Variants in GPM6A observed in about 807,000 individuals in gnomAD.
GPM6A encodes the protein glycoprotein M6A.
GPM6A carries 7 observed loss-of-function variants against 32.1 expected under a neutral mutation model. The observed-to-expected ratio is 0.22, with a 90% CI of 0.12 to 0.41. The LOEUF is 0.41. Ranked by LOEUF, GPM6A falls within the 10% of genes least tolerant of loss-of-function variation. The pLI is 1.00. For synonymous variants in GPM6A, 130 were observed against 123.4 expected, an observed-to-expected ratio of 1.05 and a Z score of -0.35; for missense variants, 235 against 347.2, an observed-to-expected ratio of 0.68 and a Z score of 2.57.
At chr4:175,972,771 C>T (rs1373094195) in intron 1 of GPM6A, among the ~76,000 whole-genome samples, 2 of 152,160 alleles carry the variant, frequency 1.3e-5, no homozygotes, top group African/African-American at 4.8e-5. Flanking sequence ...CATTGTTATG[C>T]AAAGTTTCCT....
At chr4:175,919,655 C>T (rs948165437) in intron 1 of GPM6A, among the ~76,000 whole-genome samples, 8 of 152,160 alleles carry the variant, frequency 5.3e-5, no homozygotes, top group Non-Finnish European at 1.2e-4. Context: ...TCCTTTCAAA[C>T]ATCCATTCTC....
chr4:175,999,293 G>A (rs1741404234), intron 1 of GPM6A, among the ~76,000 whole-genome samples: 1 of 152,144 alleles, frequency 6.6e-6, no homozygotes, highest in South Asian at 2.1e-4. Context: ...CACAATTAGA[G>A]ATTCGCAGGT....
At chr4:175,912,658 TACA>T (rs1027140701) in intron 1 of GPM6A, among the ~76,000 whole-genome samples, 3 of 151,942 alleles carry the variant, frequency 2.0e-5, no homozygotes, top group East Asian at 3.9e-4. Context: ...CCATCTCAAA[TACA>T]ACAACAACAA....
chr4:175,793,001 A>G (rs1208795256), intron 1 of GPM6A, among the ~76,000 whole-genome samples: 1 of 152,184 alleles, frequency 6.6e-6, no homozygotes, highest in Non-Finnish European at 1.5e-5. Flanking sequence ...CAACATGGTG[A>G]AACCCCATTT....
intron 1 of GPM6A, among the ~76,000 whole-genome samples, chr4:175,802,826 A>G (rs1157306111): frequency 6.6e-6 from 1 of 152,138 alleles, no homozygotes; most frequent in Non-Finnish European, 1.5e-5. Context: ...ATTTGACTTC[A>G]TTGCCAGAAT....
rs1300392853 is a variant in GPM6A at position 175,634,360 on chromosome 4, T to C, written c.*545A>G. 1.3e-5 allele frequency: 2 copies of C among 152,474 alleles called. No homozygotes were observed. Among genetic ancestry groups the C allele is most frequent in the African/African-American group, 2.4e-5 (1 of 41,418 alleles). The allele number at this position is 152,474 out of a possible 1,614,324, so 9.4% of individuals were successfully genotyped here. On this transcript the variant is annotated 3_prime_UTR_variant, in exon 7 of 7. Transcript: ENST00000393658. ...ATTGCACCTTAGATTGATGAAAACA[T>C]GAACCAGGGCCTACAGTAATATGGC...
chr4:175,974,751 C>T (rs1047213775), intron 1 of GPM6A, among the ~76,000 whole-genome samples: 5 of 152,090 alleles, frequency 3.3e-5, no homozygotes, highest in Middle Eastern at 3.4e-3. Context: ...AGCACAGTCT[C>T]GGCTCACGGC....
intron 1 of GPM6A, among the ~76,000 whole-genome samples, chr4:175,740,662 G>T (rs1169217772): frequency 6.6e-6 from 1 of 152,014 alleles, no homozygotes; most frequent in Non-Finnish European, 1.5e-5. Flanking sequence ...CTAGCGAGAT[G>T]AATAGTTATT....
chr4:175,647,695 G>T (rs187810805), intron 4 of GPM6A, among the ~76,000 whole-genome samples: 1 of 152,038 alleles, frequency 6.6e-6, no homozygotes, highest in Non-Finnish European at 1.5e-5. Flanking sequence ...TCTGCAACAA[G>T]GGAAATTAAA....
intron 5 of GPM6A, 78 bp downstream of exon 5, chr4:175,640,675 T>C: frequency 1.0e-6 from 1 of 953,778 alleles, no homozygotes; most frequent in Non-Finnish European, 1.6e-6. Context: ...AATATAGATT[T>C]AGTTTTAATA....
chr4:175,643,795 G>A (rs983021857), intron 4 of GPM6A, among the ~76,000 whole-genome samples: 14 of 152,246 alleles, frequency 9.2e-5, no homozygotes, highest in Admixed American at 2.6e-4. Context: ...TTGCAGAAGC[G>A]GGCTCAAGCC....
intron 1 of GPM6A, among the ~76,000 whole-genome samples, chr4:175,795,441 C>T (rs1258116340): frequency 6.6e-6 from 1 of 152,098 alleles, no homozygotes; most frequent in Non-Finnish European, 1.5e-5. Context: ...AATGTTCCTT[C>T]CAAGATTACA....
chr4:175,962,619 G>A (rs1740203193), intron 1 of GPM6A: 1 of 248,914 alleles, frequency 4.0e-6, no homozygotes, highest in African/African-American at 2.3e-5. Context: ...TGAGGTGATA[G>A]AAACACGGAC....
chr4:175,667,389 T>G (rs1223981495), intron 3 of GPM6A, among the ~76,000 whole-genome samples: 1 of 152,148 alleles, frequency 6.6e-6, no homozygotes, highest in Non-Finnish European at 1.5e-5. Context: ...CAGCCAATAC[T>G]CCTTAAAACT....
At chr4:175,845,321 G>A (rs1269355376) in intron 1 of GPM6A, among the ~76,000 whole-genome samples, 3 of 152,010 alleles carry the variant, frequency 2.0e-5, no homozygotes, top group Admixed American at 6.6e-5. Flanking sequence ...TGTGACCCAC[G>A]TTATTAACTT....
At chr4:175,805,495 C>T (rs1734659967) in intron 1 of GPM6A, among the ~76,000 whole-genome samples, 1 of 152,100 alleles carries the variant, frequency 6.6e-6, no homozygotes, top group Non-Finnish European at 1.5e-5. Flanking sequence ...ACAATATGAA[C>T]AATCTCTTTT....
chr4:175,661,091 C>T (rs936549385), intron 3 of GPM6A, among the ~76,000 whole-genome samples: 2 of 152,100 alleles, frequency 1.3e-5, no homozygotes, highest in Non-Finnish European at 2.9e-5. Context: ...ATATATAACT[C>T]TGATAAAAAC....
At chr4:175,637,328 TA>T (rs1740761432) in intron 6 of GPM6A, among the ~76,000 whole-genome samples, 2 of 76,206 alleles carry the variant, frequency 2.6e-5, no homozygotes, top group African/African-American at 1.1e-4. Context: ...AAATATATAT[TA>T]TATATTATAT....
chr4:175,679,634 T>C (rs1260038935), intron 2 of GPM6A, among the ~76,000 whole-genome samples: 1 of 152,184 alleles, frequency 6.6e-6, no homozygotes, highest in Non-Finnish European at 1.5e-5. Flanking sequence ...AGCTCCACAT[T>C]TGCAAATAGC....
Sources: allele counts gnomAD v4.1 joint callset (sites outside exome capture counted in the v4.1 genomes callset), GRCh38; gene constraint gnomAD v4.1.1; transcripts MANE v1.5; gene names NCBI Gene and HGNC (gene_info 2026-07-23, HGNC 2026-07-21).